RCCD1: variants seen among roughly 807,000 people sequenced by gnomAD.
RCCD1 encodes RCC1 domain-containing protein 1.
RCCD1 carries 40 observed loss-of-function variants against 37.6 expected under a neutral mutation model. That is an observed-to-expected ratio of 1.06 (90% CI 0.83 to 1.39). The LOEUF is 1.39. Among genes scored for constraint, RCCD1 ranks in the 40% most tolerant of loss-of-function variants. The pLI, the probability that RCCD1 is intolerant of heterozygous loss-of-function variation, is 0.00. For synonymous variants in RCCD1, 263 were observed against 230.0 expected, an observed-to-expected ratio of 1.14 and a Z score of -1.30; for missense variants, 577 against 517.3, an observed-to-expected ratio of 1.12 and a Z score of -1.12.
intron 4 of RCCD1, 58 bp downstream of exon 4, chr15:90,957,783 C>G (rs1468583890): frequency 6.5e-7 from 1 of 1,539,184 alleles, no homozygotes; most frequent in East Asian, 2.3e-5. Context: ...CCTTCCTCCT[C>G]GTTTTCCAGT....
intron 6 of RCCD1, 131 bp from the exon 7 acceptor site, chr15:90,960,892 AAT>A: frequency 3.5e-6 from 3 of 867,368 alleles, no homozygotes; most frequent in Non-Finnish European, 5.9e-6. Flanking sequence ...TTGTTAAGAG[AAT>A]ATGTTGTTCC....
At position 90,957,696 on chromosome 15, in the gene RCCD1, CG is replaced by C. The variant is rs753185624; in HGVS notation, c.656del (p.Gly219AlafsTer7). The C allele has an allele frequency of 7.4e-6, 12 of 1,612,554 alleles. No individual in the cohort carries two copies. The highest frequency in any genetic ancestry group is 2.2e-5 in the East Asian group (1 of 44,860). ...LQGLVMAEVAAGGWHSVCVSE... is the reference protein window; with the variant it reads ...LQGLVMAEVAXGGWHSVCVSE... Reference sequence around the variant, plus strand: ...GGCCTAGTCATGGCTGAGGTGGCCGCGGGGGGCTGGCATTCTGTGTGTGTGA... The same window carrying C: ...GGCCTAGTCATGGCTGAGGTGGCCGCGGGGGCTGGCATTCTGTGTGTGTGA... On this transcript the variant is annotated frameshift_variant, in exon 4 of 8. Coordinates refer to ENST00000394258, the MANE Select transcript of RCCD1 (RefSeq NM_001017919.2). LOFTEE classifies it high-confidence loss of function.
In RCCD1 at chr15:90,962,707, T is replaced by TG. The variant is rs1476764457; in HGVS notation, c.*940dup. On this transcript the variant is annotated 3_prime_UTR_variant, in exon 8 of 8. Coordinates refer to ENST00000394258, the MANE Select transcript of RCCD1 (RefSeq NM_001017919.2). ...AGAGTTCATATGTTTATTGGCCACTTGGAGTTTTTCTGTTGTCAAGTGCCT... is the reference window on the plus strand; with the variant it reads ...AGAGTTCATATGTTTATTGGCCACTTGGGAGTTTTTCTGTTGTCAAGTGCCT... 1 of 152,220 alleles carries TG rather than the reference T, an allele frequency of 6.6e-6. No homozygotes were observed. The highest frequency in any genetic ancestry group is 1.5e-5 in the Non-Finnish European group (1 of 68,038). The allele number at this position is 152,220 out of a possible 1,614,324, so 9.4% of individuals were successfully genotyped here. A position where few individuals can be genotyped will look rare whatever the true frequency, so the allele number is the denominator to read the frequency against.
Position 90,956,800 on chromosome 15 carries a change from C to T in RCCD1, c.66C>T (p.Gly22=). 7.6e-7 allele frequency: 1 copy of T among 1,315,504 alleles called. No homozygotes were observed. The allele number at this position is 1,315,504 out of a possible 1,614,324, so 81.5% of individuals were successfully genotyped here. A position where few individuals can be genotyped will look rare whatever the true frequency, so the allele number is the denominator to read the frequency against. Residue 22 remains glycine, a synonymous_variant, in exon 2 of 8, where the codon GGC becomes GGT. Transcript: ENST00000394258. ...TCTGCGGCTTCGGGCAGGAGCTGGG[C>T]TCCGGACGCGGGCGCCAGGTGCACA... The part of the protein sequence containing the change: ...FGFCGFGQEL[G]SGRGRQVHSP...
chr15:90,956,226 G>T (rs1313755791), intron 1 of RCCD1, among the ~76,000 whole-genome samples: 1 of 151,878 alleles, frequency 6.6e-6, no homozygotes, highest in Non-Finnish European at 1.5e-5. Context: ...GGAGTTGGTG[G>T]GACCTGATTT....
Position 90,957,588 on chromosome 15 carries a change from G to T in RCCD1, c.558-16G>T. ...CCTTAATGCGACTGTAGCTGACGAC[G>T]GTCTCCCTTGCTCAGGCATGGACAG... On this transcript the variant is annotated splice_polypyrimidine_tract_variant and intron_variant, in intron 3 of 7. Transcript: ENST00000394258. 3.1e-6 allele frequency: 5 copies of T among 1,613,904 alleles called. No individual in the cohort carries two copies. Among genetic ancestry groups the T allele is most frequent in the Non-Finnish European group, 4.2e-6 (5 of 1,180,000 alleles).
intron 6 of RCCD1, 21 bp from the exon 7 acceptor site, chr15:90,961,004 C>T (rs112440512): frequency 1.8e-5 from 29 of 1,613,306 alleles, no homozygotes; most frequent in African/African-American, 1.1e-4. Flanking sequence ...TGACAACTAT[C>T]GATTGTCCTT....
At chr15:90,956,148 G>A (rs542482188) in intron 1 of RCCD1, among the ~76,000 whole-genome samples, 18 of 152,350 alleles carry the variant, frequency 1.2e-4, no homozygotes, top group Middle Eastern at 3.4e-3. Context: ...CCGCTGAGTT[G>A]CAGAGGCACT....
Position 90,956,564 on chromosome 15 carries a change from G to A in RCCD1, c.-123-48G>A, listed in dbSNP as rs576197906. ...CCTGCTCAGCGAACCTTCGTGGCAC[G>A]GACTCTGCCTTTGTGGTCGGGAGAA... On this transcript the variant is annotated intron_variant, in intron 1 of 7. Coordinates refer to ENST00000394258, the MANE Select transcript of RCCD1 (RefSeq NM_001017919.2). The A allele has an allele frequency of 5.4e-5, 32 of 592,598 alleles. 1 individual carries two copies. The South Asian group carries it at 2.7e-3, about 51-fold the overall frequency. 36.7% of individuals were successfully genotyped at this position (592,598 alleles called of 1,614,324 possible). A position where few individuals can be genotyped will look rare whatever the true frequency, so the allele number is the denominator to read the frequency against.
intron 6 of RCCD1, 191 bp from the exon 7 acceptor site, chr15:90,960,834 C>G (rs1415389031): frequency 1.5e-6 from 1 of 685,664 alleles, no homozygotes; most frequent in Non-Finnish European, 2.6e-6. Context: ...GGAAGATCCG[C>G]CACTTTTTCC....
At chr15:90,961,283 C>A in intron 7 of RCCD1, 1 of 597,382 alleles carries the variant, frequency 1.7e-6, no homozygotes, top group Non-Finnish European at 3.0e-6. Context: ...GCCTACCTCT[C>A]TGAAAGACTG....
In RCCD1 at chr15:90,961,808, C is replaced by A. The variant is rs1459048080; in HGVS notation, c.*39C>A. 3.2e-6 allele frequency: 5 copies of A among 1,587,176 alleles called. No homozygotes were observed. The highest frequency in any genetic ancestry group is 1.7e-5 in the Admixed American group (1 of 57,574). ...ATGTATATGCAACACCTGTGAGACC[C>A]CCATTCAGGTCAAGGAAAACCATTG... On this transcript the variant is annotated 3_prime_UTR_variant, in exon 8 of 8. Coordinates refer to ENST00000394258, the MANE Select transcript of RCCD1 (RefSeq NM_001017919.2).
chr15:90,957,375 C>G lies in RCCD1; in HGVS notation c.429C>G (p.Tyr143Ter). The G allele has an allele frequency of 6.5e-7, 1 of 1,544,896 alleles. No individual in the cohort carries two copies. The highest frequency in any genetic ancestry group is 2.4e-5 in the East Asian group (1 of 40,862). Residue 143 changes from tyrosine to a stop codon, truncating the protein, a stop_gained, in exon 3 of 8, where the codon TAC becomes TAG. Transcript: ENST00000394258. LOFTEE classifies it high-confidence loss of function. ...RLPLLPCARAYVSPRAPFYRP... is the reference protein window; with the variant it reads ...RLPLLPCARA ...CCCTGCTGCCCTGCGCCCGTGCCTA[C>G]GTGAGCCCGCGGGCGCCCTTCTACC... is the stretch of plus-strand genomic sequence containing the variant.
Position 90,961,720 on chromosome 15 carries a change from G to C in RCCD1, c.1082G>C (p.Cys361Ser). Residue 361 changes from cysteine (C) to serine (S), a missense_variant, in exon 8 of 8, where the codon TGT (cysteine) becomes TCT (serine). By Grantham distance (112) the Cys-to-Ser change is moderately radical (BLOSUM62 -1). Transcript: ENST00000394258. The stretch of plus-strand genomic sequence containing the variant: ...CAACTCCAAGTAAAGGCTGTCACCT[G>C]TGGGCCGTGGAACACCTACGTGTAT... ...DKQLQVKAVTCGPWNTYVYAV... is the reference protein window; with the variant it reads ...DKQLQVKAVTSGPWNTYVYAV... 2 of 1,614,188 alleles carry C rather than the reference G, an allele frequency of 1.2e-6. No individual in the cohort carries two copies. The highest frequency in any genetic ancestry group is 1.7e-6 in the Non-Finnish European group (2 of 1,180,026).
intron 4 of RCCD1, among the ~76,000 whole-genome samples, chr15:90,959,388 G>A (rs1176937054): frequency 1.3e-5 from 2 of 152,226 alleles, no homozygotes; most frequent in African/African-American, 2.4e-5. Flanking sequence ...AGAGCTGCAC[G>A]TGGCTTTCAT....
chr15:90,955,799 G>C (rs1270148879), intron 1 of RCCD1: 1 of 151,822 alleles, frequency 6.6e-6, no homozygotes, highest in Non-Finnish European at 1.5e-5. Context: ...TTAACGGTTA[G>C]CTCCTTGGGA....
At chr15:90,960,597 C>G in intron 6 of RCCD1, 99 bp downstream of exon 6, 1 of 1,146,118 alleles carries the variant, frequency 8.7e-7, no homozygotes, top group Non-Finnish European at 1.2e-6. Flanking sequence ...TTCTGTGGCT[C>G]ATACAGAGCA....
At chr15:90,960,092 C>T (rs2037283841) in intron 5 of RCCD1, 94 bp downstream of exon 5, 3 of 1,088,120 alleles carry the variant, frequency 2.8e-6, no homozygotes, top group African/African-American at 3.1e-5. Context: ...CTACACTGCT[C>T]AGATGGAGCA....
chr15:90,959,866 A>G, intron 4 of RCCD1, 34 bp from the exon 5 acceptor site: 2 of 1,497,558 alleles, frequency 1.3e-6, no homozygotes, highest in South Asian at 1.2e-5. Flanking sequence ...GGGGCTTCAC[A>G]GTCTGTTTCA....
Sources: gnomAD v4.1 joint callset for allele counts (sites outside exome capture counted in the v4.1 genomes callset) on GRCh38, gnomAD v4.1.1 for gene constraint, MANE v1.5 for transcripts, NCBI Gene and HGNC (gene_info 2026-07-23, HGNC 2026-07-21) for gene names.